PML: variants seen among roughly 807,000 people sequenced by gnomAD.
PML encodes the protein protein PML.
In PML, 28 loss-of-function variants were observed where a neutral mutation model predicts 65.2. That is an observed-to-expected ratio of 0.43 (90% CI 0.32 to 0.59). PML has a LOEUF of 0.59. Among genes scored for constraint, PML ranks in the 20% least tolerant of loss-of-function variants. The probability of loss-of-function intolerance (pLI) is 0.08; values close to 1 mark genes in which losing one functional copy is unlikely to be tolerated. For synonymous variants in PML, 500 were observed against 508.8 expected (o/e 0.98, Z 0.23); for missense variants, 1,021 against 1,203.4 (o/e 0.85, Z 2.24).
intron 2 of PML, among the ~76,000 whole-genome samples, chr15:74,022,299 A>G (rs1310172835): frequency 6.6e-6 from 1 of 152,164 alleles, no homozygotes; most frequent in East Asian, 1.9e-4. Flanking sequence ...TCAGCCCCCA[A>G]AATTATTGTA....
At position 74,046,850 on chromosome 15, in the gene PML, G is replaced by A. The variant is rs754352372; in HGVS notation, c.*1842G>A. On this transcript the variant is annotated 3_prime_UTR_variant, in exon 9 of 9. Coordinates refer to ENST00000268058, the MANE Select transcript of PML (RefSeq NM_033238.3). ...AAGCCTTTTGCCTGGATAGGAGGGG[G>A]CTCTCCCAGGCATAGGCTTGTGGCC... is the stretch of plus-strand genomic sequence containing the variant. The A allele has an allele frequency of 2.2e-5, 5 of 230,610 alleles. No individual in the cohort carries two copies. Among genetic ancestry groups the A allele is most frequent in the Non-Finnish European group, 3.4e-5 (4 of 116,440 alleles). The allele number at this position is 230,610 out of a possible 1,614,324, so 14.3% of individuals were successfully genotyped here.
At chr15:74,040,679 A>C (rs2071676082) in intron 7 of PML, among the ~76,000 whole-genome samples, 1 of 152,212 alleles carries the variant, frequency 6.6e-6, no homozygotes, top group Non-Finnish European at 1.5e-5. Context: ...AGCTGGCTGG[A>C]GTTCCAGTGA....
At chr15:74,002,327 A>ATATATGTGTATATATGCATATATC (rs2069801127) in intron 2 of PML, among the ~76,000 whole-genome samples, 1 of 151,664 alleles carries the variant, frequency 6.6e-6, no homozygotes, top group African/African-American at 2.4e-5. Context: ...TGTATATAAT[A>ATATATGTGTATATATGCATATATC]TATATGTGTA....
In PML at chr15:74,035,346, G is replaced by A. The variant is rs1302132400; in HGVS notation, c.1710+816G>A. On this transcript the variant is annotated intron_variant, in intron 7 of 8. Transcript: ENST00000268058. This position sits in a 1 kb window ranked among gnomAD's most constrained non-coding sequence, Gnocchi z 4.1. ...AGCTTGGCCTCCCCACCAGCCCGCTGAGCAGGCTGCCACCCCCGATGCTGA... is the reference window on the plus strand; with the variant it reads ...AGCTTGGCCTCCCCACCAGCCCGCTAAGCAGGCTGCCACCCCCGATGCTGA... 1.9e-6 allele frequency: 3 copies of A among 1,611,924 alleles called. No individual in the cohort carries two copies. Among genetic ancestry groups the A allele is most frequent in the South Asian group, 1.1e-5 (1 of 91,046 alleles).
Position 74,037,893 on chromosome 15 carries a change from G to A in PML, c.1710+3363G>A, listed in dbSNP as rs2071608152. The A allele has an allele frequency of 5.5e-6, 1 of 183,226 alleles. No homozygotes were observed. The highest frequency in any genetic ancestry group is 1.0e-5 in the Non-Finnish European group (1 of 96,498). The allele number at this position is 183,226 out of a possible 1,614,324, so 11.4% of individuals were successfully genotyped here. A position where few individuals can be genotyped will look rare whatever the true frequency, so the allele number is the denominator to read the frequency against. ...CAGGGGTAGCTGATACCCAACACTC[G>A]CACCTGCCTGCCAGACCAGCATGGC... is the stretch of plus-strand genomic sequence containing the variant. On this transcript the variant is annotated intron_variant, in intron 7 of 8. Transcript: ENST00000268058. The surrounding 1 kb of genome is among the most constrained non-coding windows in gnomAD (Gnocchi z 4.2).
chr15:74,045,040 T>C lies in PML; in HGVS notation c.*32T>C, dbSNP rs1293889213. ...GGGGTGACCAGCTTGGAGTCTCTGG[T>C]GGGCAGAGAGGGATGGGGTCCCTGA... is the stretch of plus-strand genomic sequence containing the variant. On this transcript the variant is annotated 3_prime_UTR_variant, in exon 9 of 9. Coordinates refer to ENST00000268058, the MANE Select transcript of PML (RefSeq NM_033238.3). 1 of 1,555,834 alleles carries C rather than the reference T, an allele frequency of 6.4e-7. No individual in the cohort carries two copies.
Position 74,023,336 on chromosome 15 carries a change from G to C in PML, c.1111G>C (p.Val371Leu). The change falls in exon 3 of 9, where the codon GTG becomes CTG. Residue 371 changes from valine to leucine, a missense_variant. Coordinates refer to ENST00000268058, the MANE Select transcript of PML (RefSeq NM_033238.3). ...QEEPQSLQAA[V>L]RTDGFDEFKV... is the part of the protein sequence containing the mutation. ...GGAGCCCCAGAGCCTGCAAGCTGCC[G>C]TGCGCACCGATGGCTTCGACGAGTT... The C allele has an allele frequency of 6.2e-7, 1 of 1,605,458 alleles. No homozygotes were observed. Among genetic ancestry groups the C allele is most frequent in the African/African-American group, 1.3e-5 (1 of 75,042 alleles).
At chr15:74,034,850 G>C in intron 7 of PML, 1 of 1,438,142 alleles carries the variant, frequency 7.0e-7, no homozygotes, top group Non-Finnish European at 9.1e-7. Flanking sequence ...TAAGTCCTCA[G>C]TGAGGAGGGC....
In PML at chr15:73,998,465, T is replaced by A. The variant is rs1251945106; in HGVS notation, c.591T>A (p.Pro197=). ...IFCSNPNHRT[P]TLTSIYCRGC... ...GCTCCAACCCCAACCACCGCACCCC[T>A]ACGCTGACCAGGTGAGTAGGCCGGC... The change falls in exon 2 of 9, where the codon CCT becomes CCA. Residue 197 remains proline (P), a synonymous_variant. Coordinates refer to ENST00000268058, the MANE Select transcript of PML (RefSeq NM_033238.3). 1 of 1,613,820 alleles carries A rather than the reference T, an allele frequency of 6.2e-7. No individual in the cohort carries two copies. Among genetic ancestry groups the A allele is most frequent in the Middle Eastern group, 1.6e-4 (1 of 6,062 alleles).
chr15:74,023,217 C>T lies in PML; in HGVS notation c.992C>T (p.Ala331Val), dbSNP rs752501211. ...AVLQRIRTGS[A>V]LVQRMKCYAS... ...CTGCAGCGCATCCGCACGGGCAGCG[C>T]GCTGGTGCAGAGGATGAAGTGCTAC... Residue 331 changes from alanine to valine, a missense_variant, in exon 3 of 9, where the codon GCG becomes GTG. Ala to Val is a moderately conservative substitution (Grantham distance 64). Transcript: ENST00000268058. 2.5e-6 allele frequency: 4 copies of T among 1,610,052 alleles called. No homozygotes were observed. Among genetic ancestry groups the T allele is most frequent in the Non-Finnish European group, 3.4e-6 (4 of 1,178,952 alleles).
In PML at chr15:74,032,588, G is replaced by A. The variant is rs1480851109; in HGVS notation, c.1271G>A (p.Arg424Lys). The A allele has an allele frequency of 6.2e-7, 1 of 1,614,008 alleles. No homozygotes were observed. Among genetic ancestry groups the A allele is most frequent in the African/African-American group, 1.3e-5 (1 of 74,922 alleles). Reference sequence around the variant, plus strand: ...ACTTTGCAGCCCGAGGAGGCAGAGAGAGTGAAGGCCCAGGTTCAGGCCCTG... The same window carrying A: ...ACTTTGCAGCCCGAGGAGGCAGAGAAAGTGAAGGCCCAGGTTCAGGCCCTG... ...IDVDLPEEAE[R>K]VKAQVQALGL... Residue 424 changes from arginine (R) to lysine (K), a missense_variant, in exon 5 of 9, where the codon AGA becomes AAA. By Grantham distance (26) the Arg-to-Lys change is conservative. Transcript: ENST00000268058.
At position 73,994,733 on chromosome 15, in the gene PML, C is replaced by T; in HGVS notation, c.-80C>T. 1 of 1,477,034 alleles carries T rather than the reference C, an allele frequency of 6.8e-7. No individual in the cohort carries two copies. The highest frequency in any genetic ancestry group is 9.3e-7 in the Non-Finnish European group (1 of 1,080,546). The allele number at this position is 1,477,034 out of a possible 1,614,324, so 91.5% of individuals were successfully genotyped here. On this transcript the variant is annotated 5_prime_UTR_variant, in exon 1 of 9. Transcript: ENST00000268058. ...TTTCGGACAGCTCAAGGGACTCAGCCAACTGGCTCACGCCTCCCCTTCAGC... is the reference window on the plus strand; with the variant it reads ...TTTCGGACAGCTCAAGGGACTCAGCTAACTGGCTCACGCCTCCCCTTCAGC...
At position 74,037,578 on chromosome 15, in the gene PML, C is replaced by T; in HGVS notation, c.1710+3048C>T. Reference sequence around the variant, plus strand: ...TTTACACTTCAGCCCCCTCCTTGCCCCTTCTTCACCCCACCTCCTGCGCTT... The same window carrying T: ...TTTACACTTCAGCCCCCTCCTTGCCTCTTCTTCACCCCACCTCCTGCGCTT... On this transcript the variant is annotated intron_variant, in intron 7 of 8. Coordinates refer to ENST00000268058, the MANE Select transcript of PML (RefSeq NM_033238.3). This position sits in a 1 kb window ranked among gnomAD's most constrained non-coding sequence, Gnocchi z 4.2. 1 of 985,420 alleles carries T rather than the reference C, an allele frequency of 1.0e-6. No homozygotes were observed. Among genetic ancestry groups the T allele is most frequent in the East Asian group, 1.1e-4 (1 of 8,814 alleles). 61.0% of individuals were successfully genotyped at this position (985,420 alleles called of 1,614,324 possible). A position where few individuals can be genotyped will look rare whatever the true frequency, so the allele number is the denominator to read the frequency against.
At position 74,037,550 on chromosome 15, in the gene PML, T is replaced by C. The variant is rs1364414268; in HGVS notation, c.1710+3020T>C. 13 of 985,234 alleles carry C rather than the reference T, an allele frequency of 1.3e-5. No homozygotes were observed. The highest frequency in any genetic ancestry group is 1.7e-5 in the African/African-American group (1 of 57,210). The allele number at this position is 985,234 out of a possible 1,614,324, so 61.0% of individuals were successfully genotyped here. On this transcript the variant is annotated intron_variant, in intron 7 of 8. Coordinates refer to ENST00000268058, the MANE Select transcript of PML (RefSeq NM_033238.3). This position sits in a 1 kb window ranked among gnomAD's most constrained non-coding sequence, Gnocchi z 4.2. Reference sequence around the variant, plus strand: ...GTCGGCTCCCCTTCCTCTGCTCTCCTTGTTTACACTTCAGCCCCCTCCTTG... The same window carrying C: ...GTCGGCTCCCCTTCCTCTGCTCTCCCTGTTTACACTTCAGCCCCCTCCTTG...
In PML at chr15:74,035,526, C is replaced by T; in HGVS notation, c.1710+996C>T. The T allele has an allele frequency of 1.2e-6, 2 of 1,611,096 alleles. No homozygotes were observed. The highest frequency in any genetic ancestry group is 1.7e-6 in the Non-Finnish European group (2 of 1,179,400). Reference sequence around the variant, plus strand: ...GGCCCCTATTCGGACTTGGTCTCCCCATGTGGTCCAAGCCAGCACTCCTGC... The same window carrying T: ...GGCCCCTATTCGGACTTGGTCTCCCTATGTGGTCCAAGCCAGCACTCCTGC... On this transcript the variant is annotated intron_variant, in intron 7 of 8. Transcript: ENST00000268058. This position sits in a 1 kb window ranked among gnomAD's most constrained non-coding sequence, Gnocchi z 4.1.
intron 4 of PML, chr15:74,026,096 G>A (rs2071061172): frequency 6.6e-6 from 1 of 152,308 alleles, no homozygotes; most frequent in Admixed American, 6.5e-5. Context: ...CTAAGACCCA[G>A]AAAGGATGTG....
intron 4 of PML, chr15:74,028,340 T>A (rs939715626): frequency 6.6e-6 from 1 of 152,018 alleles, no homozygotes; most frequent in African/African-American, 2.4e-5. Flanking sequence ...AGCCCGGCCT[T>A]CGGGGAGTTC....
In PML at chr15:73,998,382, C is replaced by T. The variant is rs995136133; in HGVS notation, c.508C>T (p.Arg170Cys). 2 of 1,613,992 alleles carry T rather than the reference C, an allele frequency of 1.2e-6. No homozygotes were observed. Among genetic ancestry groups the T allele is most frequent in the Non-Finnish European group, 1.7e-6 (2 of 1,179,974 alleles). ...KHEARPLAEL[R>C]NQSVREFLDG... ...CGAGGCCCGGCCCCTAGCAGAGCTGCGCAACCAGTCGGTGCGTGAGTTCCT... is the reference window on the plus strand; with the variant it reads ...CGAGGCCCGGCCCCTAGCAGAGCTGTGCAACCAGTCGGTGCGTGAGTTCCT... Residue 170 changes from arginine to cysteine, a missense_variant, in exon 2 of 9, where the codon CGC becomes TGC. By Grantham distance (180) the Arg-to-Cys change is radical. Transcript: ENST00000268058.
At chr15:74,017,878 G>C (rs867947044) in intron 2 of PML, among the ~76,000 whole-genome samples, 3 of 152,048 alleles carry the variant, frequency 2.0e-5, no homozygotes, top group Non-Finnish European at 4.4e-5. Flanking sequence ...GCTTAGGCCT[G>C]AAATCGCAGC....
Sources: allele counts gnomAD v4.1 joint callset (sites outside exome capture counted in the v4.1 genomes callset), GRCh38; gene constraint gnomAD v4.1.1; non-coding constraint Gnocchi (gnomAD v3.1); transcripts MANE v1.5; gene names NCBI Gene and HGNC (gene_info 2026-07-23, HGNC 2026-07-21).